PKIB: variants seen among roughly 807,000 people sequenced by gnomAD.
PKIB encodes PKI-beta.
In PKIB, 2 loss-of-function variants were observed where a neutral mutation model predicts 4.5. The ratio of observed to expected loss-of-function variants is 0.44; its 90% CI spans 0.18 to 1.39. The LOEUF (loss-of-function observed/expected upper bound fraction) is 1.39, where lower values mean the gene tolerates loss of function less well. PKIB is among the 40% of genes most tolerant of loss of function. The probability of loss-of-function intolerance (pLI) is 0.27; values close to 1 mark genes in which losing one functional copy is unlikely to be tolerated. For synonymous variants in PKIB, 38 were observed against 36.0 expected (o/e 1.06, Z -0.20); for missense variants, 94 against 92.6 (o/e 1.02, Z -0.06).
At chr6:122,567,491 C>G (rs1773227970) in intron 2 of PKIB, among the ~76,000 whole-genome samples, 1 of 152,292 alleles carries the variant, frequency 6.6e-6, no homozygotes, top group Non-Finnish European at 1.5e-5. Flanking sequence ...AGCTTCATCT[C>G]AGAGTCAGCT....
At chr6:122,582,602 A>T (rs758254923) in intron 2 of PKIB, among the ~76,000 whole-genome samples, 11 of 152,104 alleles carry the variant, frequency 7.2e-5, no homozygotes, top group Non-Finnish European at 5.9e-5. Context: ...ACATATAGAT[A>T]TGTAACCAGT....
At chr6:122,560,518 T>A (rs2114671142) in intron 2 of PKIB, among the ~76,000 whole-genome samples, 1 of 152,222 alleles carries the variant, frequency 6.6e-6, no homozygotes, top group South Asian at 2.1e-4. Flanking sequence ...TTATGTCCTT[T>A]CCTGATTTTG....
At chr6:122,629,639 C>G (rs1775608860) in intron 1 of PKIB, among the ~76,000 whole-genome samples, 1 of 152,122 alleles carries the variant, frequency 6.6e-6, no homozygotes, top group Non-Finnish European at 1.5e-5. Context: ...ACTATCTCAT[C>G]AAGGTCAACA....
chr6:122,632,306 G>A (rs2114822607), intron 1 of PKIB, among the ~76,000 whole-genome samples: 1 of 152,238 alleles, frequency 6.6e-6, no homozygotes, highest in East Asian at 1.9e-4. Context: ...ACAAGCAGAG[G>A]AATGTTGACA....
At chr6:122,688,726 C>T (rs915982673) in intron 3 of PKIB, among the ~76,000 whole-genome samples, 7 of 150,546 alleles carry the variant, frequency 4.6e-5, no homozygotes, top group African/African-American at 1.2e-4. Context: ...TCCATTTCTT[C>T]TAGATTTTCC....
intron 2 of PKIB, among the ~76,000 whole-genome samples, chr6:122,670,133 G>A (rs764794423): frequency 2.0e-5 from 3 of 151,984 alleles, no homozygotes; most frequent in Non-Finnish European, 2.9e-5. Context: ...AAAGAGGAAT[G>A]AGAGACCACA....
At chr6:122,522,339 G>C (rs1375186059) in intron 2 of PKIB, among the ~76,000 whole-genome samples, 2 of 152,166 alleles carry the variant, frequency 1.3e-5, no homozygotes, top group Non-Finnish European at 2.9e-5. Flanking sequence ...GGGATCCACT[G>C]AGCAAGACCA....
At chr6:122,555,984 G>A (rs1772825867) in intron 2 of PKIB, among the ~76,000 whole-genome samples, 1 of 152,190 alleles carries the variant, frequency 6.6e-6, no homozygotes, top group Non-Finnish European at 1.5e-5. Context: ...TTTTAAAGAA[G>A]AAGGATGATA....
chr6:122,712,580 A>G (rs1238016920), intron 3 of PKIB, among the ~76,000 whole-genome samples: 1 of 152,142 alleles, frequency 6.6e-6, no homozygotes, highest in Non-Finnish European at 1.5e-5. Flanking sequence ...TGGTCAGGAA[A>G]AGCACTGACA....
At chr6:122,618,881 A>G (rs945924838) in intron 1 of PKIB, among the ~76,000 whole-genome samples, 1 of 152,146 alleles carries the variant, frequency 6.6e-6, no homozygotes, top group African/African-American at 2.4e-5. Flanking sequence ...GAGTTTTGAT[A>G]TATTTTACAA....
chr6:122,613,577 C>G (rs9320881), intron 1 of PKIB, among the ~76,000 whole-genome samples: 21,113 of 151,980 alleles, frequency 0.14, 1,626 homozygotes, highest in Non-Finnish European at 0.15. Context: ...AAGTCATTAC[C>G]AGGTAGTGAC....
intron 2 of PKIB, among the ~76,000 whole-genome samples, chr6:122,499,613 G>A (rs1582659779): frequency 6.6e-6 from 1 of 152,136 alleles, no homozygotes; most frequent in South Asian, 2.1e-4. Flanking sequence ...ATACTGAATG[G>A]ACAAAAGCTG....
intron 2 of PKIB, among the ~76,000 whole-genome samples, chr6:122,552,042 A>G (rs932576925): frequency 1.3e-5 from 2 of 151,798 alleles, no homozygotes; most frequent in Non-Finnish European, 2.9e-5. Context: ...CTCCACTGCT[A>G]CTTCTCAGTT....
intron 2 of PKIB, among the ~76,000 whole-genome samples, chr6:122,576,126 G>T (rs1773522078): frequency 2.0e-5 from 3 of 152,194 alleles, no homozygotes; most frequent in African/African-American, 7.2e-5. Flanking sequence ...TTGAGATTAT[G>T]GAAATGTCCT....
intron 2 of PKIB, among the ~76,000 whole-genome samples, chr6:122,507,656 T>A (rs1776451204): frequency 6.6e-6 from 1 of 151,322 alleles, no homozygotes; most frequent in Admixed American, 6.6e-5. Context: ...GGGGTGGAAA[T>A]CTTGGCTTAA....
In PKIB at chr6:122,725,398, C is replaced by G; in HGVS notation, c.*203C>G. 1 of 538,310 alleles carries G rather than the reference C, an allele frequency of 1.9e-6. No homozygotes were observed. Among genetic ancestry groups the G allele is most frequent in the Admixed American group, 3.3e-5 (1 of 30,738 alleles). 33.3% of individuals were successfully genotyped at this position (538,310 alleles called of 1,614,324 possible). On this transcript the variant is annotated 3_prime_UTR_variant, in exon 5 of 5. Transcript: ENST00000368452. The stretch of plus-strand genomic sequence containing the variant: ...AGGTAAGCTATTAAAAGGCAGGTTA[C>G]TTCCAAATCGCACTGAAGGAAAAGG...
intron 3 of PKIB, among the ~76,000 whole-genome samples, chr6:122,595,191 TG>T (rs1338822206): frequency 6.6e-6 from 1 of 152,174 alleles, no homozygotes; most frequent in African/African-American, 2.4e-5. Flanking sequence ...ACTCTGGCTA[TG>T]GGAGGAAACA....
Position 122,706,341 on chromosome 6 carries a change from C to T in PKIB, c.-8-11446C>T, listed in dbSNP as rs79921530. On this transcript the variant is annotated intron_variant, in intron 3 of 4. Coordinates refer to ENST00000368452, the MANE Select transcript of PKIB (RefSeq NM_181795.3). ...TAATATGCAACATATTCCATCTGTA[C>T]GATGAGTTCACAACTCTTTCAGGGT... Among the ~76,000 whole-genome samples the T allele has an allele frequency of 9.3e-3, 1,412 of 152,196 alleles. 29 individuals carry two copies. The East Asian group carries it at 0.097, about 10-fold the overall frequency.
At chr6:122,571,075 A>T (rs967695303) in intron 2 of PKIB, among the ~76,000 whole-genome samples, 2 of 152,222 alleles carry the variant, frequency 1.3e-5, no homozygotes, top group African/African-American at 4.8e-5. Flanking sequence ...ACTTCTGGAA[A>T]TAAAAGACAT....
Sources: allele counts gnomAD v4.1 joint callset (sites outside exome capture counted in the v4.1 genomes callset), GRCh38; gene constraint gnomAD v4.1.1; transcripts MANE v1.5; gene names NCBI Gene and HGNC (gene_info 2026-07-23, HGNC 2026-07-21).